The following DNAH14 variants were observed in gnomAD, a reference collection of about 807,000 sequenced individuals.
The protein encoded by DNAH14 is dynein axonemal heavy chain 14, also known as axonemal beta dynein heavy chain 14.
A neutral mutation model predicts 520.9 loss-of-function variants in DNAH14; 478 were observed. The observed-to-expected ratio is 0.92, with a 90% CI of 0.85 to 0.99. The LOEUF is 0.99. Ranked by LOEUF, DNAH14 falls within the 50% of genes least tolerant of loss-of-function variation. The pLI, the probability that DNAH14 is intolerant of heterozygous loss-of-function variation, is 0.00. For missense variants in DNAH14, 4,831 were observed against 5,234.5 expected, an observed-to-expected ratio of 0.92 and a Z score of 2.38; for synonymous variants, 1,581 against 1,757.2, an observed-to-expected ratio of 0.90 and a Z score of 2.51.
At chr1:224,934,198 C>G (rs541785399) in intron 1 of DNAH14, among the ~76,000 whole-genome samples, 3 of 152,028 alleles carry the variant, frequency 2.0e-5, no homozygotes, top group Admixed American at 1.3e-4. Flanking sequence ...AAAGAATTTT[C>G]AAAATCTCAG....
chr1:225,285,333 G>A (rs116807675), intron 54 of DNAH14, among the ~76,000 whole-genome samples: 3,689 of 152,212 alleles, frequency 0.024, 76 homozygotes, highest in Middle Eastern at 0.068. Context: ...TGGATCACTC[G>A]AGGCCAGGAG....
In DNAH14 at chr1:225,399,123, T is replaced by C; in HGVS notation, c.13708T>C (p.Tyr4570His). The change falls in exon 86 of 86, where the codon TAC becomes CAC. Residue 4570 changes from tyrosine to histidine, a missense_variant. Physicochemically the swap from Tyr to His is moderately conservative, Grantham distance 83 (BLOSUM62 2). Coordinates refer to ENST00000682510, the MANE Select transcript of DNAH14 (RefSeq NM_001367479.1). ...SELYAFECPVYQTPERSRILA... is the reference protein window; with the variant it reads ...SELYAFECPVHQTPERSRILA... ...ACTCTATGCTTTTGAATGCCCAGTT[T>C]ACCAGACACCTGAGAGGTCAAGAAT... The C allele has an allele frequency of 6.4e-7, 1 of 1,551,952 alleles. No homozygotes were observed. The highest frequency in any genetic ancestry group is 8.7e-7 in the Non-Finnish European group (1 of 1,147,054).
intron 61 of DNAH14, among the ~76,000 whole-genome samples, chr1:225,320,977 T>TA (rs1292171330): frequency 2.0e-5 from 3 of 152,172 alleles, no homozygotes; most frequent in Non-Finnish European, 2.9e-5. Context: ...TAAATAGAGT[T>TA]AAACCTGGGT....
intron 31 of DNAH14, among the ~76,000 whole-genome samples, chr1:225,150,219 C>A (rs1048819004): frequency 6.6e-6 from 1 of 152,082 alleles, no homozygotes; most frequent in African/African-American, 2.4e-5. Context: ...TATATTGAAC[C>A]AACCTTGCAC....
rs1398051220 is a variant in DNAH14 at position 225,079,298 on chromosome 1, C to T, written c.2516C>T (p.Ser839Leu). 1 of 1,549,480 alleles carries T rather than the reference C, an allele frequency of 6.5e-7. No individual in the cohort carries two copies. Among genetic ancestry groups the T allele is most frequent in the Non-Finnish European group, 8.7e-7 (1 of 1,146,476 alleles). The change falls in exon 18 of 86, where the codon TCA becomes TTA. Residue 839 changes from serine to leucine, a missense_variant. Transcript: ENST00000682510. ...EHFIFLNAIS[S>L]KISKLEKEFL... Reference sequence around the variant, plus strand: ...TTTATTTTTTTGAATGCAATTTCCTCAAAAATATCTAAATTAGAAAAAGAG... The same window carrying T: ...TTTATTTTTTTGAATGCAATTTCCTTAAAAATATCTAAATTAGAAAAAGAG...
At chr1:225,367,282 A>C (rs1366622572) in intron 76 of DNAH14, among the ~76,000 whole-genome samples, 1 of 152,110 alleles carries the variant, frequency 6.6e-6, no homozygotes, top group African/African-American at 2.4e-5. Context: ...AAGTCAACCA[A>C]ATGGACTTTC....
At chr1:225,135,922 CTTTT>C (rs1156651089) in intron 27 of DNAH14, among the ~76,000 whole-genome samples, 1 of 152,014 alleles carries the variant, frequency 6.6e-6, no homozygotes, top group African/African-American at 2.4e-5. Context: ...CCTTCTTTGT[CTTTT>C]TTTATCTTTG....
At chr1:225,117,464 G>T (rs1310595137) in intron 23 of DNAH14, among the ~76,000 whole-genome samples, 1 of 151,478 alleles carries the variant, frequency 6.6e-6, no homozygotes, top group East Asian at 1.9e-4. Context: ...TGTTTATTTT[G>T]ATTTTGGTTT....
chr1:225,382,430 G>A (rs1284021313), intron 81 of DNAH14, among the ~76,000 whole-genome samples: 3 of 152,080 alleles, frequency 2.0e-5, no homozygotes, highest in African/African-American at 7.2e-5. Flanking sequence ...ATCCAGGCCG[G>A]GCACAGGGCC....
intron 12 of DNAH14, 27 bp downstream of exon 12, chr1:225,038,850 C>T: frequency 7.0e-7 from 1 of 1,437,532 alleles, no homozygotes; most frequent in Admixed American, 3.2e-5. Flanking sequence ...AAAATATAAA[C>T]ATAGATTTTT....
intron 11 of DNAH14, among the ~76,000 whole-genome samples, chr1:225,037,945 C>G (rs2067126215): frequency 6.6e-6 from 1 of 152,168 alleles, no homozygotes; most frequent in African/African-American, 2.4e-5. Context: ...GCCTCGGCCT[C>G]CCAAAGTGCT....
intron 9 of DNAH14, among the ~76,000 whole-genome samples, chr1:225,005,492 T>G (rs1284876627): frequency 6.6e-6 from 1 of 152,122 alleles, no homozygotes; most frequent in Non-Finnish European, 1.5e-5. Context: ...ACTGGATAAA[T>G]GCAGGTATAA....
intron 77 of DNAH14, among the ~76,000 whole-genome samples, chr1:225,371,076 A>G (rs1220885264): frequency 6.6e-6 from 1 of 152,174 alleles, no homozygotes; most frequent in Non-Finnish European, 1.5e-5. Flanking sequence ...TTAATATTAT[A>G]TATTCTAGAC....
At chr1:225,036,403 G>A (rs2066964753) in intron 11 of DNAH14, among the ~76,000 whole-genome samples, 1 of 152,062 alleles carries the variant, frequency 6.6e-6, no homozygotes, top group Non-Finnish European at 1.5e-5. Flanking sequence ...CCAAAGTGCT[G>A]GGATTACAGG....
At chr1:225,383,654 G>A (rs1028532821) in intron 81 of DNAH14, among the ~76,000 whole-genome samples, 1 of 152,208 alleles carries the variant, frequency 6.6e-6, no homozygotes, top group Non-Finnish European at 1.5e-5. Flanking sequence ...AGAAAGACGT[G>A]CTGTGTGAGA....
intron 75 of DNAH14, among the ~76,000 whole-genome samples, chr1:225,361,830 G>A (rs2095495467): frequency 6.6e-6 from 1 of 151,812 alleles, no homozygotes; most frequent in African/African-American, 2.4e-5. Flanking sequence ...GACCAGCCTG[G>A]GCAACAGAGT....
chr1:225,314,512 A>T (rs925697920), intron 60 of DNAH14, among the ~76,000 whole-genome samples: 2 of 152,138 alleles, frequency 1.3e-5, no homozygotes, highest in South Asian at 4.2e-4. Flanking sequence ...CCGTTAGTTG[A>T]TGCAGTTTCT....
intron 69 of DNAH14, among the ~76,000 whole-genome samples, chr1:225,345,601 T>C (rs2095273835): frequency 6.6e-6 from 1 of 152,218 alleles, no homozygotes; most frequent in South Asian, 2.1e-4. Flanking sequence ...ATGGCACACT[T>C]GTTATTTTTT....
chr1:225,015,525 T>G (rs1210358968), intron 10 of DNAH14, among the ~76,000 whole-genome samples: 1 of 152,202 alleles, frequency 6.6e-6, no homozygotes. Flanking sequence ...CACTTCCAGC[T>G]TTAAGACTCT....
Sources: allele counts gnomAD v4.1 joint callset (sites outside exome capture counted in the v4.1 genomes callset), GRCh38; gene constraint gnomAD v4.1.1; transcripts MANE v1.5; gene names NCBI Gene and HGNC (gene_info 2026-07-23, HGNC 2026-07-21).